Variants in RAI14 observed in about 807,000 individuals in gnomAD.
The protein encoded by RAI14 is retinoic acid induced 14.
A neutral mutation model predicts 115.4 loss-of-function variants in RAI14; 45 were observed. The observed-to-expected ratio is 0.39, with a 90% CI of 0.31 to 0.50. RAI14 has a LOEUF of 0.50. Among genes scored for constraint, RAI14 ranks in the 20% least tolerant of loss-of-function variants. RAI14 has a pLI of 0.85. For missense variants in RAI14, 939 were observed against 1,131.2 expected (o/e 0.83, Z 2.44); for synonymous variants, 371 against 415.4 (o/e 0.89, Z 1.30).
At position 34,823,808 on chromosome 5, in the gene RAI14, C is replaced by T; in HGVS notation, c.1966C>T (p.Gln656Ter). The T allele has an allele frequency of 2.5e-6, 4 of 1,614,088 alleles. No homozygotes were observed. The highest frequency in any genetic ancestry group is 3.4e-6 in the Non-Finnish European group (4 of 1,179,994). ...GCTGTCACAGCTGTACAAAGAAGCC[C>T]AGGCTGAGCTGGAGGATTACAGGAA... The part of the protein sequence containing the change: ...SELSQLYKEA[Q>*]AELEDYRKRK... The change falls in exon 15 of 18, where the codon CAG becomes TAG. Residue 656 changes from glutamine to a stop codon, truncating the protein, a stop_gained. Coordinates refer to ENST00000265109, the MANE Select transcript of RAI14 (RefSeq NM_015577.3). LOFTEE classifies it high-confidence loss of function. The surrounding 1 kb of genome is among the most constrained non-coding windows in gnomAD (Gnocchi z 4.5).
At chr5:34,721,322 T>TAGATAG (rs1228684303) in intron 2 of RAI14, among the ~76,000 whole-genome samples, 35 of 143,948 alleles carry the variant, frequency 2.4e-4, no homozygotes, top group Non-Finnish European at 4.2e-4. Context: ...TATATATATA[T>TAGATAG]ATAGATGTGT....
chr5:34,750,869 T>TTTTTTTTTG (rs1746906098), intron 2 of RAI14, among the ~76,000 whole-genome samples: 2 of 147,840 alleles, frequency 1.4e-5, no homozygotes, highest in African/African-American at 2.5e-5. Context: ...TTTTTTTTTT[T>TTTTTTTTTG]GAGGTGGAGT....
intron 2 of RAI14, among the ~76,000 whole-genome samples, chr5:34,752,606 G>A (rs1312875064): frequency 1.3e-5 from 2 of 151,704 alleles, no homozygotes; most frequent in Admixed American, 1.3e-4. Flanking sequence ...ATACGCCTTT[G>A]CTTAGGCAGA....
At chr5:34,659,616 TTTTA>T (rs1742541147) in intron 1 of RAI14, among the ~76,000 whole-genome samples, 1 of 152,324 alleles carries the variant, frequency 6.6e-6, no homozygotes, top group South Asian at 2.1e-4. Context: ...TCATTTTTAT[TTTTA>T]TTTCTTTTTA....
At chr5:34,672,326 A>G (rs1743674022) in intron 1 of RAI14, among the ~76,000 whole-genome samples, 1 of 152,122 alleles carries the variant, frequency 6.6e-6, no homozygotes, top group Non-Finnish European at 1.5e-5. Flanking sequence ...CCTTAATGCT[A>G]TTACCGTGTA....
rs1757203207 is a variant in RAI14 at position 34,824,146 on chromosome 5, G to A, written c.2304G>A (p.Leu768=). The part of the protein sequence containing the change: ...LASKEVEVAK[L]EKQLLEEKAA... ...GCAAGGAAGTGGAAGTAGCAAAGCT[G>A]GAGAAACAACTCTTAGAAGAGAAAG... is the stretch of plus-strand genomic sequence containing the variant. The change falls in exon 15 of 18, where the codon CTG becomes CTA. Residue 768 remains leucine, a synonymous_variant. Coordinates refer to ENST00000265109, the MANE Select transcript of RAI14 (RefSeq NM_015577.3). 1.9e-6 allele frequency: 3 copies of A among 1,613,868 alleles called. No individual in the cohort carries two copies. The highest frequency in any genetic ancestry group is 1.7e-5 in the Admixed American group (1 of 59,976).
intron 2 of RAI14, chr5:34,688,346 G>A: frequency 8.1e-7 from 1 of 1,241,080 alleles, no homozygotes; most frequent in Non-Finnish European, 1.1e-6. Flanking sequence ...AGGGAATCTA[G>A]GTAGCTTTCA....
chr5:34,779,401 G>C (rs1449903310), intron 3 of RAI14, among the ~76,000 whole-genome samples: 1 of 152,138 alleles, frequency 6.6e-6, no homozygotes, highest in African/African-American at 2.4e-5. Context: ...AGAAATAAAA[G>C]GTATTCAGTT....
rs1554012471 is a variant in RAI14, at chr5:34,822,250, G to GTATGTATATATATA, written c.1113+403_1113+404insGTATATATATATAT. ...TTAAATTATATATGTATGTGTGTAT[G>GTATGTATATATATA]TATATATATATATATATATATATAA... On this transcript the variant is annotated intron_variant, in intron 14 of 17. Coordinates refer to ENST00000265109, the MANE Select transcript of RAI14 (RefSeq NM_015577.3). Among the ~76,000 whole-genome samples, 76 of 134,724 alleles carry GTATGTATATATATA rather than the reference G, an allele frequency of 5.6e-4. 1 individual carries two copies. Among genetic ancestry groups the GTATGTATATATATA allele is most frequent in the African/African-American group, 2.0e-3 (70 of 35,714 alleles). The allele number at this position is 134,724 out of a possible 152,430, so 88.4% of individuals were successfully genotyped here.
At chr5:34,707,652 A>G (rs1740868291) in intron 2 of RAI14, among the ~76,000 whole-genome samples, 1 of 152,122 alleles carries the variant, frequency 6.6e-6, no homozygotes, top group Admixed American at 6.5e-5. Flanking sequence ...CATCTGGGGG[A>G]AAAAAACCAC....
chr5:34,724,156 A>G (rs184315031), intron 2 of RAI14, among the ~76,000 whole-genome samples: 38 of 152,294 alleles, frequency 2.5e-4, no homozygotes, highest in Admixed American at 2.2e-3. Context: ...AGCTGGGATT[A>G]CAGGCATGCA....
chr5:34,728,858 G>C (rs1474229815), intron 2 of RAI14, among the ~76,000 whole-genome samples: 1 of 151,950 alleles, frequency 6.6e-6, no homozygotes, highest in African/African-American at 2.4e-5. Flanking sequence ...GGAGTTTAAG[G>C]CTGCAGTGAG....
intron 2 of RAI14, among the ~76,000 whole-genome samples, chr5:34,701,404 G>A (rs563642239): frequency 2.0e-5 from 3 of 152,222 alleles, no homozygotes; most frequent in East Asian, 3.9e-4. Flanking sequence ...ATTCTAAAGA[G>A]ATTAAGATCT....
chr5:34,805,208 G>A (rs1358675981), intron 5 of RAI14, among the ~76,000 whole-genome samples: 3 of 152,094 alleles, frequency 2.0e-5, no homozygotes, highest in Non-Finnish European at 2.9e-5. Flanking sequence ...TCCTCTCACT[G>A]CCAAACCATT....
At chr5:34,754,554 C>A (rs1157757776) in intron 2 of RAI14, among the ~76,000 whole-genome samples, 1 of 131,474 alleles carries the variant, frequency 7.6e-6, no homozygotes, top group African/African-American at 2.5e-5. Flanking sequence ...CTTTTCCCAA[C>A]CTAGCTCTGC....
intron 2 of RAI14, among the ~76,000 whole-genome samples, chr5:34,750,489 G>A (rs891823284): frequency 3.3e-5 from 5 of 151,984 alleles, no homozygotes; most frequent in Non-Finnish European, 7.4e-5. Context: ...TTTAAGCGAC[G>A]AGGAAACAGC....
chr5:34,796,035 G>A lies in RAI14; in HGVS notation c.256+8G>A. ...CAGCCCAAGATACTACCGGTATGTG[G>A]TTTTTAGTCTCTTAAGTCAGCAGGC... On this transcript the variant is annotated splice_region_variant and intron_variant, in intron 4 of 17. Coordinates refer to ENST00000265109, the MANE Select transcript of RAI14 (RefSeq NM_015577.3). 1 of 1,597,148 alleles carries A rather than the reference G, an allele frequency of 6.3e-7. No homozygotes were observed.
At chr5:34,801,932 C>T (rs185409146) in intron 4 of RAI14, among the ~76,000 whole-genome samples, 1 of 152,176 alleles carries the variant, frequency 6.6e-6, no homozygotes, top group Admixed American at 6.5e-5. Flanking sequence ...AGTGTGGTGG[C>T]ATACACCTGT....
chr5:34,765,867 C>A lies in RAI14; in HGVS notation c.167+8269C>A, dbSNP rs376017602. ...GGAAAAAGTGGTTTCATGGGCTGGG[C>A]CCATGGTCCCTGTGCTGTGTGCACC... On this transcript the variant is annotated intron_variant, in intron 3 of 17. Coordinates refer to ENST00000265109, the MANE Select transcript of RAI14 (RefSeq NM_015577.3). Among the ~76,000 whole-genome samples, 91 of 152,312 alleles carry A rather than the reference C, an allele frequency of 6.0e-4. 2 individuals are homozygous for A. The South Asian group carries it at 0.018, about 31-fold the overall frequency.
Sources: gnomAD v4.1 joint callset for allele counts (sites outside exome capture counted in the v4.1 genomes callset) on GRCh38, gnomAD v4.1.1 for gene constraint, Gnocchi (gnomAD v3.1) non-coding constraint, MANE v1.5 for transcripts, NCBI Gene and HGNC (gene_info 2026-07-23, HGNC 2026-07-21) for gene names.